PF4V1: variants seen among roughly 807,000 people sequenced by gnomAD.
PF4V1 encodes the protein platelet factor 4 variant.
In PF4V1, 4 loss-of-function variants were observed where a neutral mutation model predicts 6.9. The observed-to-expected ratio is 0.58, with a 90% confidence interval of 0.29 to 1.34. The LOEUF (loss-of-function observed/expected upper bound fraction) is 1.34, where lower values mean the gene tolerates loss of function less well. Among genes scored for constraint, PF4V1 ranks in the 40% most tolerant of loss-of-function variants. PF4V1 has a pLI of 0.09. For missense variants in PF4V1, 127 were observed against 128.6 expected (o/e 0.99, Z 0.06); for synonymous variants, 68 against 55.9 (o/e 1.22, Z -0.97).
rs918133473 is a variant in PF4V1 at position 73,854,437 on chromosome 4, A to G, written c.*315A>G. 6.6e-6 allele frequency among the ~76,000 whole-genome samples: 1 copy of G among 151,816 alleles called. No individual in the cohort carries two copies. Among genetic ancestry groups the G allele is most frequent in the African/African-American group, 2.4e-5 (1 of 41,306 alleles). ...CTTTATAGCTACATATTTACCTTGA[A>G]TGTTACAATTAGCTTGCCAATAAAT... On this transcript the variant is annotated 3_prime_UTR_variant, in exon 3 of 3. Coordinates refer to ENST00000226524, the MANE Select transcript of PF4V1 (RefSeq NM_002620.4).
At chr4:73,853,530 G>A in intron 1 of PF4V1, 68 bp downstream of exon 1, 1 of 1,519,274 alleles carries the variant, frequency 6.6e-7, no homozygotes, top group Non-Finnish European at 8.9e-7. Context: ...CCTGGGGCTG[G>A]GGAGGAATCC....
At position 73,853,393 on chromosome 4, in the gene PF4V1, C is replaced by A. The variant is rs747468751; in HGVS notation, c.31C>A (p.Arg11Ser). Residue 11 changes from arginine to serine, a missense_variant, in exon 1 of 3, where the codon CGC (arginine) becomes AGC (serine). By Grantham distance (110) the Arg-to-Ser change is moderately radical (BLOSUM62 -1). Transcript: ENST00000226524. The stretch of plus-strand genomic sequence containing the variant: ...CTCCGCAGCCAGGTCCCGCCTCACC[C>A]GCGCCACCCGCCAGGAGATGCTGTT... Reference protein sequence around the residue: MSSAARSRLTRATRQEMLFLA... With the variant: MSSAARSRLTSATRQEMLFLA... 6 of 1,614,066 alleles carry A rather than the reference C, an allele frequency of 3.7e-6. No individual in the cohort carries two copies. Among genetic ancestry groups the A allele is most frequent in the Middle Eastern group, 1.7e-4 (1 of 6,056 alleles).
intron 2 of PF4V1, 47 bp from the exon 3 acceptor site, chr4:73,853,988 G>A: frequency 1.2e-6 from 2 of 1,611,812 alleles, no homozygotes; most frequent in Non-Finnish European, 1.7e-6. Flanking sequence ...AATGCCATTT[G>A]CAAACCCAAG....
chr4:73,853,548 T>G, intron 1 of PF4V1, 86 bp downstream of exon 1: 1 of 1,481,160 alleles, frequency 6.8e-7, no homozygotes, highest in Non-Finnish European at 9.1e-7. Flanking sequence ...TCCTCTAGGA[T>G]CATGATCGCA....
chr4:73,853,457 C>A lies in PF4V1; in HGVS notation c.95C>A (p.Ala32Asp). The change falls in exon 1 of 3, where the codon GCC (alanine) becomes GAC (aspartate). Residue 32 changes from alanine (A) to aspartate (D), a missense_variant. Ala to Asp is a moderately radical substitution (Grantham distance 126). Transcript: ENST00000226524. The part of the protein sequence containing the change: ...LLLLPVVVAF[A>D]RAEAEEDGDL... ...CTCCTGCCAGTTGTGGTCGCCTTCG[C>A]CAGAGGTGAGAGCAGAAACCAGGCT... 1 of 1,612,082 alleles carries A rather than the reference C, an allele frequency of 6.2e-7. No individual in the cohort carries two copies.
At position 73,854,049 on chromosome 4, in the gene PF4V1, A is replaced by C; in HGVS notation, c.242A>C (p.Asn81Thr). ...PTAQLIATLK[N>T]GRKICLDLQA... ...TTCCCTGCCAGAGCCACGCTGAAGAATGGGAGGAAAATTTGCTTGGATCTG... is the reference window on the plus strand; with the variant it reads ...TTCCCTGCCAGAGCCACGCTGAAGACTGGGAGGAAAATTTGCTTGGATCTG... Residue 81 changes from asparagine (N) to threonine (T), a missense_variant, in exon 3 of 3, where the codon AAT (asparagine) becomes ACT (threonine). By Grantham distance (65) the Asn-to-Thr change is moderately conservative. Coordinates refer to ENST00000226524, the MANE Select transcript of PF4V1 (RefSeq NM_002620.4). The C allele has an allele frequency of 6.2e-7, 1 of 1,614,180 alleles. No individual in the cohort carries two copies. The highest frequency in any genetic ancestry group is 8.5e-7 in the Non-Finnish European group (1 of 1,180,014).
chr4:73,854,139 T>G lies in PF4V1; in HGVS notation c.*17T>G, dbSNP rs1279561335. ...GAGAGTTAGCTACTAGCTGCCTAAG[T>G]GTGCACTTTCAATCTAACTGTGAAA... is the stretch of plus-strand genomic sequence containing the variant. On this transcript the variant is annotated 3_prime_UTR_variant, in exon 3 of 3. Coordinates refer to ENST00000226524, the MANE Select transcript of PF4V1 (RefSeq NM_002620.4). The G allele has an allele frequency of 6.4e-7, 1 of 1,553,820 alleles. No individual in the cohort carries two copies. The highest frequency in any genetic ancestry group is 8.9e-7 in the Non-Finnish European group (1 of 1,125,338).
chr4:73,853,326 C>T lies in PF4V1; in HGVS notation c.-37C>T, dbSNP rs778234513. 4.5e-6 allele frequency: 7 copies of T among 1,563,246 alleles called. No individual in the cohort carries two copies. The highest frequency in any genetic ancestry group is 6.2e-6 in the Non-Finnish European group (7 of 1,133,982). On this transcript the variant is annotated 5_prime_UTR_variant, in exon 1 of 3. Coordinates refer to ENST00000226524, the MANE Select transcript of PF4V1 (RefSeq NM_002620.4). Reference sequence around the variant, plus strand: ...CTGCAGAACCCCAGCCCGACTTTCCCTGCGCACTGGGATCCTGCTGGAACC... The same window carrying T: ...CTGCAGAACCCCAGCCCGACTTTCCTTGCGCACTGGGATCCTGCTGGAACC...
intron 1 of PF4V1, 26 bp downstream of exon 1, chr4:73,853,488 G>A: frequency 1.3e-6 from 2 of 1,576,086 alleles, no homozygotes; most frequent in Non-Finnish European, 8.6e-7. Flanking sequence ...AGGCTGGGAG[G>A]GCCAGCAGCG....
chr4:73,854,188 C>A lies in PF4V1; in HGVS notation c.*66C>A. 2 of 1,114,790 alleles carry A rather than the reference C, an allele frequency of 1.8e-6. No homozygotes were observed. The highest frequency in any genetic ancestry group is 1.3e-6 in the Non-Finnish European group (1 of 750,112). The allele number at this position is 1,114,790 out of a possible 1,614,324, so 69.1% of individuals were successfully genotyped here. ...AAGAATCTTCTGATGTTTGTATTATCCTTCTTATATTATATTAACGAAATA... is the reference window on the plus strand; with the variant it reads ...AAGAATCTTCTGATGTTTGTATTATACTTCTTATATTATATTAACGAAATA... On this transcript the variant is annotated 3_prime_UTR_variant, in exon 3 of 3. Coordinates refer to ENST00000226524, the MANE Select transcript of PF4V1 (RefSeq NM_002620.4).
At position 73,853,338 on chromosome 4, in the gene PF4V1, A is replaced by G. The variant is rs367550149; in HGVS notation, c.-25A>G. 2.1e-5 allele frequency: 33 copies of G among 1,602,676 alleles called. No homozygotes were observed. Among genetic ancestry groups the G allele is most frequent in the African/African-American group, 6.7e-5 (5 of 74,684 alleles). On this transcript the variant is annotated 5_prime_UTR_variant, in exon 1 of 3. Coordinates refer to ENST00000226524, the MANE Select transcript of PF4V1 (RefSeq NM_002620.4). ...AGCCCGACTTTCCCTGCGCACTGGGATCCTGCTGGAACCTCAGCTGCAACA... is the reference window on the plus strand; with the variant it reads ...AGCCCGACTTTCCCTGCGCACTGGGGTCCTGCTGGAACCTCAGCTGCAACA...
chr4:73,853,353 C>T lies in PF4V1; in HGVS notation c.-10C>T, dbSNP rs763808747. 9.9e-6 allele frequency: 16 copies of T among 1,611,860 alleles called. No individual in the cohort carries two copies. Among genetic ancestry groups the T allele is most frequent in the Non-Finnish European group, 1.3e-5 (15 of 1,177,980 alleles). On this transcript the variant is annotated 5_prime_UTR_variant, in exon 1 of 3. Transcript: ENST00000226524. ...GCGCACTGGGATCCTGCTGGAACCT[C>T]AGCTGCAACATGAGCTCCGCAGCCA... is the stretch of plus-strand genomic sequence containing the variant.
At chr4:73,853,541 T>G in intron 1 of PF4V1, 79 bp downstream of exon 1, 3 of 1,495,480 alleles carry the variant, frequency 2.0e-6, no homozygotes, top group Non-Finnish European at 2.7e-6. Flanking sequence ...GGAGGAATCC[T>G]CTAGGATCAT....
At position 73,854,148 on chromosome 4, in the gene PF4V1, T is replaced by A; in HGVS notation, c.*26T>A. Reference sequence around the variant, plus strand: ...CTACTAGCTGCCTAAGTGTGCACTTTCAATCTAACTGTGAAAGAATCTTCT... The same window carrying A: ...CTACTAGCTGCCTAAGTGTGCACTTACAATCTAACTGTGAAAGAATCTTCT... On this transcript the variant is annotated 3_prime_UTR_variant, in exon 3 of 3. Coordinates refer to ENST00000226524, the MANE Select transcript of PF4V1 (RefSeq NM_002620.4). The A allele has an allele frequency of 6.8e-7, 1 of 1,460,750 alleles. No individual in the cohort carries two copies. Among genetic ancestry groups the A allele is most frequent in the Non-Finnish European group, 9.6e-7 (1 of 1,040,892 alleles). 90.5% of individuals were successfully genotyped at this position (1,460,750 alleles called of 1,614,324 possible).
Position 73,853,811 on chromosome 4 carries a change from G to A in PF4V1, c.129G>A (p.Gln43=). The A allele has an allele frequency of 6.2e-7, 1 of 1,612,874 alleles. No individual in the cohort carries two copies. The highest frequency in any genetic ancestry group is 8.5e-7 in the Non-Finnish European group (1 of 1,179,482). ...AAGCTGAAGAAGATGGGGACCTGCAGTGCCTGTGTGTGAAGACCACCTCCC... is the reference window on the plus strand; with the variant it reads ...AAGCTGAAGAAGATGGGGACCTGCAATGCCTGTGTGTGAAGACCACCTCCC... ...RAEAEEDGDL[Q]CLCVKTTSQV... Residue 43 remains glutamine (Q), a synonymous_variant, in exon 2 of 3, where the codon CAG becomes CAA. Transcript: ENST00000226524.
At chr4:73,853,661 A>G (rs1164345474) in intron 1 of PF4V1, 122 bp from the exon 2 acceptor site, 3 of 1,397,488 alleles carry the variant, frequency 2.1e-6, no homozygotes, top group Non-Finnish European at 2.9e-6. Context: ...GAGAGGTCTG[A>G]TTTACGGCTA....
chr4:73,854,004 A>C, intron 2 of PF4V1, 31 bp from the exon 3 acceptor site: 2 of 1,613,396 alleles, frequency 1.2e-6, no homozygotes, highest in South Asian at 1.1e-5. Flanking sequence ...CCAAGGACTG[A>C]AAGTCACGTC....
chr4:73,854,246 A>C lies in PF4V1; in HGVS notation c.*124A>C, dbSNP rs182187520. On this transcript the variant is annotated 3_prime_UTR_variant, in exon 3 of 3. Coordinates refer to ENST00000226524, the MANE Select transcript of PF4V1 (RefSeq NM_002620.4). Reference sequence around the variant, plus strand: ...TTGTGGTATAGTCAATCTATTTCTTAATAATACTGCAAAAATAATGCTGAC... The same window carrying C: ...TTGTGGTATAGTCAATCTATTTCTTCATAATACTGCAAAAATAATGCTGAC... The C allele has an allele frequency of 1.5e-6, 1 of 659,578 alleles. No individual in the cohort carries two copies. Among genetic ancestry groups the C allele is most frequent in the Non-Finnish European group, 2.5e-6 (1 of 397,878 alleles). 40.9% of individuals were successfully genotyped at this position (659,578 alleles called of 1,614,324 possible).
intron 1 of PF4V1, 90 bp from the exon 2 acceptor site, chr4:73,853,693 G>A: frequency 3.4e-6 from 5 of 1,482,342 alleles, no homozygotes; most frequent in Non-Finnish European, 1.8e-6. Context: ...GCTGAAGGTA[G>A]TGGAAAAGGT....
Sources: allele counts gnomAD v4.1 joint callset (sites outside exome capture counted in the v4.1 genomes callset), GRCh38; gene constraint gnomAD v4.1.1; transcripts MANE v1.5; gene names NCBI Gene and HGNC (gene_info 2026-07-23, HGNC 2026-07-21).